The following PIGK variants were observed in gnomAD, a reference collection of about 807,000 sequenced individuals.
PIGK encodes the protein phosphatidylinositol glycan anchor biosynthesis class K, also known as GPI-anchor transamidase.
Under a neutral mutation model 50.6 loss-of-function variants are expected in PIGK, and 42 were observed. The observed-to-expected ratio is 0.83, with a 90% CI of 0.65 to 1.07. PIGK has a LOEUF of 1.07. PIGK is among the 50% of genes least tolerant of loss of function. The pLI, the probability that PIGK is intolerant of heterozygous loss-of-function variation, is 0.00. For missense variants in PIGK, 448 were observed against 488.7 expected (o/e 0.92, Z 0.78); for synonymous variants, 151 against 156.0 (o/e 0.97, Z 0.24).
At chr1:77,113,378 C>T (rs1287663683) in intron 10 of PIGK, among the ~76,000 whole-genome samples, 1 of 151,918 alleles carries the variant, frequency 6.6e-6, no homozygotes, top group Non-Finnish European at 1.5e-5. Flanking sequence ...ATGTGATGAA[C>T]CCTAAATTAC....
chr1:77,121,088 AGAT>A lies in PIGK; in HGVS notation c.1071+1184_1071+1186del, dbSNP rs148098694. On this transcript the variant is annotated intron_variant, in intron 10 of 10. Transcript: ENST00000370812. ...TTATTCTAGGTGAACTGTTCTGGGC[AGAT>A]TCTATTTACCAATTCTGAGCAAACC... is the stretch of plus-strand genomic sequence containing the variant. Among the ~76,000 whole-genome samples, 154 of 152,304 alleles carry A rather than the reference AGAT, an allele frequency of 1.0e-3. 2 individuals carry two copies. The highest frequency in any genetic ancestry group is 3.5e-3 in the African/African-American group (145 of 41,570).
At chr1:77,196,928 T>C (rs991474348) in intron 3 of PIGK, among the ~76,000 whole-genome samples, 2 of 152,284 alleles carry the variant, frequency 1.3e-5, no homozygotes, top group South Asian at 2.1e-4. Flanking sequence ...CTAAGTTTTC[T>C]TCTAGAATTT....
At chr1:77,202,024 A>T (rs1779186) in intron 3 of PIGK, among the ~76,000 whole-genome samples, 1 of 151,140 alleles carries the variant, frequency 6.6e-6, no homozygotes, top group African/African-American at 2.4e-5. Flanking sequence ...TGTCACTGTA[A>T]CCCACCCAGG....
intron 3 of PIGK, among the ~76,000 whole-genome samples, chr1:77,182,184 T>C (rs1655630004): frequency 6.6e-6 from 1 of 152,168 alleles, no homozygotes; most frequent in East Asian, 1.9e-4. Context: ...TAAAGTTACA[T>C]GTGGTTGAAT....
At chr1:77,152,658 AAAAAC>A (rs912519071) in intron 9 of PIGK, among the ~76,000 whole-genome samples, 7 of 152,038 alleles carry the variant, frequency 4.6e-5, no homozygotes, top group South Asian at 2.1e-4. Context: ...CTCAATGGCA[AAAAAC>A]AAAACAAAAC....
chr1:77,197,422 A>C (rs920327630), intron 3 of PIGK, among the ~76,000 whole-genome samples: 4 of 152,288 alleles, frequency 2.6e-5, no homozygotes, highest in East Asian at 1.9e-4. Flanking sequence ...TAATAGGTAG[A>C]ACTTCAGGTG....
At chr1:77,154,321 T>C (rs1654958700) in intron 9 of PIGK, 128 bp downstream of exon 9, 2 of 637,058 alleles carry the variant, frequency 3.1e-6, no homozygotes, top group Non-Finnish European at 5.5e-6. Context: ...CTACATAAAG[T>C]GAAGACTGGG....
At chr1:77,136,752 T>C (rs1239966426) in intron 9 of PIGK, among the ~76,000 whole-genome samples, 1 of 152,136 alleles carries the variant, frequency 6.6e-6, no homozygotes, top group African/African-American at 2.4e-5. Context: ...TATATTGCCT[T>C]TTGCTCATTC....
chr1:77,148,033 T>C (rs186971016), intron 9 of PIGK, among the ~76,000 whole-genome samples: 1 of 152,334 alleles, frequency 6.6e-6, no homozygotes, highest in East Asian at 1.9e-4. Context: ...GACTCCACTG[T>C]TTCCCTAATA....
intron 10 of PIGK, among the ~76,000 whole-genome samples, chr1:77,119,071 A>G (rs1430610086): frequency 6.6e-6 from 1 of 152,224 alleles, no homozygotes; most frequent in Admixed American, 6.5e-5. Flanking sequence ...TTATCTGATT[A>G]CAGCTGCGTT....
rs182495275 is a variant in PIGK at position 77,155,334 on chromosome 1, C to G, written c.814-713G>C. Among the ~76,000 whole-genome samples the G allele has an allele frequency of 2.1e-4, 32 of 152,350 alleles. No individual in the cohort carries two copies. The East Asian group carries it at 5.8e-3, about 28-fold the overall frequency. Reference sequence around the variant, plus strand: ...TTTTCTGTTAATCTTATCACTGATACTCCATGTCAGTGAATTACCAAGGAC... The same window carrying G: ...TTTTCTGTTAATCTTATCACTGATAGTCCATGTCAGTGAATTACCAAGGAC... On this transcript the variant is annotated intron_variant, in intron 8 of 10. Coordinates refer to ENST00000370812, the MANE Select transcript of PIGK (RefSeq NM_005482.3).
At chr1:77,204,644 C>A (rs1656248945) in intron 3 of PIGK, among the ~76,000 whole-genome samples, 1 of 152,018 alleles carries the variant, frequency 6.6e-6, no homozygotes, top group Admixed American at 6.6e-5. Context: ...AAAATTTCTC[C>A]CTTTTGTACT....
chr1:77,176,638 C>A (rs950141352), intron 3 of PIGK, among the ~76,000 whole-genome samples: 1 of 152,124 alleles, frequency 6.6e-6, no homozygotes, highest in Non-Finnish European at 1.5e-5. Flanking sequence ...TTAGGAGGTT[C>A]ATGAAAGGAT....
At chr1:77,144,657 G>A (rs59633783) in intron 9 of PIGK, among the ~76,000 whole-genome samples, 5,647 of 151,710 alleles carry the variant, frequency 0.037, 206 homozygotes, top group South Asian at 0.21. Context: ...CTCAATAGAC[G>A]CTTTTGTTAA....
At chr1:77,201,941 C>T (rs1418446873) in intron 3 of PIGK, among the ~76,000 whole-genome samples, 1 of 151,710 alleles carries the variant, frequency 6.6e-6, no homozygotes, top group Non-Finnish European at 1.5e-5. Flanking sequence ...ACCTGTAGTT[C>T]CAGCTACTTG....
At chr1:77,180,948 A>C (rs1655598079) in intron 3 of PIGK, among the ~76,000 whole-genome samples, 1 of 152,306 alleles carries the variant, frequency 6.6e-6, no homozygotes, top group African/African-American at 2.4e-5. Context: ...TCACAGAAGC[A>C]TAATTTCTTT....
chr1:77,199,837 A>T (rs911200948), intron 3 of PIGK, among the ~76,000 whole-genome samples: 8 of 152,028 alleles, frequency 5.3e-5, no homozygotes, highest in Non-Finnish European at 1.2e-4. Context: ...TAACATTTAC[A>T]ATTAGAAAAT....
At chr1:77,211,352 A>G (rs1570266787) in intron 1 of PIGK, among the ~76,000 whole-genome samples, 1 of 151,958 alleles carries the variant, frequency 6.6e-6, no homozygotes, top group African/African-American at 2.4e-5. Context: ...CGCATGGTTG[A>G]TAGGTTCAGA....
At chr1:77,131,723 T>C (rs1654375184) in intron 9 of PIGK, among the ~76,000 whole-genome samples, 1 of 152,122 alleles carries the variant, frequency 6.6e-6, no homozygotes, top group Non-Finnish European at 1.5e-5. Context: ...TTTCTAATCC[T>C]GAATCATTCC....
Sources: allele counts gnomAD v4.1 joint callset (sites outside exome capture counted in the v4.1 genomes callset), GRCh38; gene constraint gnomAD v4.1.1; transcripts MANE v1.5; gene names NCBI Gene and HGNC (gene_info 2026-07-23, HGNC 2026-07-21).